CRY1: variants seen among roughly 807,000 people sequenced by gnomAD.
The protein encoded by CRY1 is cryptochrome-1.
A neutral mutation model predicts 76.0 loss-of-function variants in CRY1; 45 were observed. The observed-to-expected ratio is 0.59, with a 90% CI of 0.47 to 0.76. The LOEUF is 0.76. CRY1 is among the 30% of genes least tolerant of loss of function. The pLI, the probability that CRY1 is intolerant of heterozygous loss-of-function variation, is 0.00. For synonymous variants in CRY1, 248 were observed against 244.0 expected (o/e 1.02, Z -0.15); for missense variants, 587 against 716.4 (o/e 0.82, Z 2.06).
At chr12:107,081,635 T>C (rs1953326426) in intron 1 of CRY1, among the ~76,000 whole-genome samples, 1 of 152,094 alleles carries the variant, frequency 6.6e-6, no homozygotes, top group African/African-American at 2.4e-5. Context: ...AATAAACTTT[T>C]GATTTAAGAG....
At chr12:107,074,513 T>G (rs2136895374) in intron 1 of CRY1, among the ~76,000 whole-genome samples, 1 of 152,324 alleles carries the variant, frequency 6.6e-6, no homozygotes, top group South Asian at 2.1e-4. Flanking sequence ...AATAGCATTT[T>G]TTAATCTCTA....
intron 1 of CRY1, among the ~76,000 whole-genome samples, chr12:107,030,468 G>A (rs918051166): frequency 6.6e-6 from 1 of 152,120 alleles, no homozygotes; most frequent in African/African-American, 2.4e-5. Context: ...AAATTAATTT[G>A]ACAGCTTTAA....
rs776231926 is a variant in CRY1 at position 107,074,872 on chromosome 12, G to A, written c.158+17932C>T. Reference sequence around the variant, plus strand: ...TCTAGTAAAAATACAAAAATTAGCCGGGTGTGATGGCGCATGCCTATAATC... The same window carrying A: ...TCTAGTAAAAATACAAAAATTAGCCAGGTGTGATGGCGCATGCCTATAATC... On this transcript the variant is annotated intron_variant, in intron 1 of 12. Coordinates refer to ENST00000008527, the MANE Select transcript of CRY1 (RefSeq NM_004075.5). 7.6e-4 allele frequency among the ~76,000 whole-genome samples: 115 copies of A among 152,072 alleles called. 2 individuals are homozygous for A. Among genetic ancestry groups the A allele is most frequent in the Non-Finnish European group, 3.4e-4 (23 of 67,992 alleles).
At chr12:107,020,445 G>A (rs182338517) in intron 2 of CRY1, among the ~76,000 whole-genome samples, 234 of 152,246 alleles carry the variant, frequency 1.5e-3, no homozygotes, top group African/African-American at 5.2e-3. Context: ...GTTGGAAGTG[G>A]AGCCTGGTGG....
chr12:107,024,020 C>T (rs545290149), intron 1 of CRY1, among the ~76,000 whole-genome samples: 10 of 152,202 alleles, frequency 6.6e-5, no homozygotes, highest in African/African-American at 1.7e-4. Flanking sequence ...GAACAAAGAT[C>T]GAAGGGTTTT....
At chr12:107,017,198 T>C (rs1282456864) in intron 2 of CRY1, among the ~76,000 whole-genome samples, 1 of 152,280 alleles carries the variant, frequency 6.6e-6, no homozygotes, top group African/African-American at 2.4e-5. Context: ...TAAAGCCCTA[T>C]GATCTGGCTT....
chr12:107,032,106 GTATTT>G (rs1243866361), intron 1 of CRY1, among the ~76,000 whole-genome samples: 1 of 151,176 alleles, frequency 6.6e-6, no homozygotes, highest in African/African-American at 2.4e-5. Flanking sequence ...GGCTAATTTT[GTATTT>G]TTAGTAGAGA....
At chr12:106,994,842 G>A (rs1223639843) in intron 10 of CRY1, among the ~76,000 whole-genome samples, 1 of 152,222 alleles carries the variant, frequency 6.6e-6, no homozygotes, top group East Asian at 1.9e-4. Context: ...AAGGCAGGCT[G>A]TGAACTGAAC....
At chr12:106,993,157 T>A in intron 10 of CRY1, 121 bp from the exon 11 acceptor site, 1 of 871,272 alleles carries the variant, frequency 1.1e-6, no homozygotes, top group Non-Finnish European at 1.7e-6. Flanking sequence ...CTTTTAAGAC[T>A]AAATCTCAAT....
chr12:107,089,369 T>C (rs1307724450), intron 1 of CRY1, among the ~76,000 whole-genome samples: 1 of 75,446 alleles, frequency 1.3e-5, no homozygotes, highest in East Asian at 3.1e-3. Context: ...AGGGTCTCTC[T>C]GTGTACCCAG....
intron 2 of CRY1, among the ~76,000 whole-genome samples, chr12:107,012,546 C>T (rs998421113): frequency 2.0e-5 from 3 of 152,232 alleles, no homozygotes; most frequent in Non-Finnish European, 2.9e-5. Context: ...GGGAGATTAA[C>T]ATTGTTTTCA....
rs367739557 is a variant in CRY1 at position 106,992,978 on chromosome 12, G to C, written c.1644C>G (p.His548Gln). ...HYAHGDSQQT[H>Q]LLKQGRSSMG... Reference sequence around the variant, plus strand: ...CTTCATTCTTACCTTGCTTCAACAGGTGAGTTTGCTGACTGTCGCCATGAG... The same window carrying C: ...CTTCATTCTTACCTTGCTTCAACAGCTGAGTTTGCTGACTGTCGCCATGAG... The change falls in exon 11 of 13, where the codon CAC (histidine) becomes CAG (glutamine). Residue 548 changes from histidine (H) to glutamine (Q), a missense_variant. Coordinates refer to ENST00000008527, the MANE Select transcript of CRY1 (RefSeq NM_004075.5). 2.2e-5 allele frequency: 35 copies of C among 1,613,936 alleles called. No homozygotes were observed. Among genetic ancestry groups the C allele is most frequent in the Non-Finnish European group, 2.8e-5 (33 of 1,179,940 alleles).
chr12:107,055,950 A>G (rs568111685), intron 1 of CRY1, among the ~76,000 whole-genome samples: 1 of 152,356 alleles, frequency 6.6e-6, no homozygotes, highest in Admixed American at 6.5e-5. Flanking sequence ...AGATCAATCT[A>G]ATTGGTCTAA....
intron 1 of CRY1, among the ~76,000 whole-genome samples, chr12:107,039,767 T>A (rs964813836): frequency 6.6e-6 from 1 of 152,154 alleles, no homozygotes; most frequent in Admixed American, 6.5e-5. Context: ...TCCTAAAAAA[T>A]TTTTGAATAG....
intron 5 of CRY1, among the ~76,000 whole-genome samples, chr12:107,001,018 C>G (rs985713141): frequency 2.0e-5 from 3 of 151,952 alleles, no homozygotes; most frequent in African/African-American, 7.3e-5. Flanking sequence ...ATTGTGGCCA[C>G]TAGATACTAG....
intron 12 of CRY1, chr12:106,992,273 G>A (rs1174562372): frequency 1.3e-5 from 2 of 151,974 alleles, no homozygotes; most frequent in Non-Finnish European, 2.9e-5. Context: ...TTGAATGCAG[G>A]CAAGGCTTTC....
At chr12:107,030,606 G>T (rs1020115117) in intron 1 of CRY1, among the ~76,000 whole-genome samples, 4 of 152,138 alleles carry the variant, frequency 2.6e-5, no homozygotes, top group Admixed American at 6.5e-5. Flanking sequence ...GGCCAAGTTA[G>T]TCTTCAAAAA....
intron 1 of CRY1, among the ~76,000 whole-genome samples, chr12:107,063,692 G>T (rs1953076289): frequency 6.6e-6 from 1 of 152,172 alleles, no homozygotes; most frequent in Non-Finnish European, 1.5e-5. Context: ...CCGCCTCCTG[G>T]ATTCAAGTGA....
intron 2 of CRY1, among the ~76,000 whole-genome samples, chr12:107,007,356 G>A (rs1188385697): frequency 2.0e-5 from 3 of 152,154 alleles, no homozygotes; most frequent in Non-Finnish European, 2.9e-5. Flanking sequence ...GTAAGGTGCA[G>A]AGAGAGTGCC....
Sources: gnomAD v4.1 joint callset for allele counts (sites outside exome capture counted in the v4.1 genomes callset) on GRCh38, gnomAD v4.1.1 for gene constraint, MANE v1.5 for transcripts, NCBI Gene and HGNC (gene_info 2026-07-23, HGNC 2026-07-21) for gene names.